COL4A2: variants seen among roughly 807,000 people sequenced by gnomAD.
The protein encoded by COL4A2 is collagen type IV alpha 2 chain.
COL4A2 carries 99 observed loss-of-function variants against 200.2 expected under a neutral mutation model. The observed-to-expected ratio is 0.49, with a 90% CI of 0.42 to 0.58. COL4A2 has a LOEUF of 0.58. Ranked by LOEUF, COL4A2 falls within the 20% of genes least tolerant of loss-of-function variation. The pLI is 0.00. For synonymous variants in COL4A2, 897 were observed against 900.6 expected, an observed-to-expected ratio of 1.00 and a Z score of 0.07; for missense variants, 1,950 against 2,314.1, an observed-to-expected ratio of 0.84 and a Z score of 3.23.
intron 21 of COL4A2, chr13:110,457,659 C>G (rs1401902718): frequency 4.5e-6 from 3 of 667,432 alleles, no homozygotes; most frequent in Non-Finnish European, 8.5e-6. Context: ...TCCCTGCTCT[C>G]CATCTGCCAT....
chr13:110,402,887 C>T (rs1219581265), intron 4 of COL4A2, among the ~76,000 whole-genome samples: 1 of 152,228 alleles, frequency 6.6e-6, no homozygotes, highest in Non-Finnish European at 1.5e-5. Flanking sequence ...AGAGTTGGCA[C>T]CACGTGGAGG....
At chr13:110,360,800 C>G (rs751878999) in intron 4 of COL4A2, among the ~76,000 whole-genome samples, 20 of 146,934 alleles carry the variant, frequency 1.4e-4, no homozygotes, top group Admixed American at 4.1e-4. Flanking sequence ...CCCCCCACCC[C>G]GGGGCCTGGA....
intron 4 of COL4A2, among the ~76,000 whole-genome samples, chr13:110,358,239 A>G (rs968346436): frequency 2.6e-5 from 4 of 152,168 alleles, no homozygotes; most frequent in African/African-American, 9.7e-5. Context: ...TGTTAAAAAC[A>G]AAGAAACAAA....
chr13:110,356,924 C>T (rs946790930), intron 3 of COL4A2, among the ~76,000 whole-genome samples: 14 of 152,128 alleles, frequency 9.2e-5, no homozygotes, highest in Admixed American at 4.6e-4. Context: ...TGCCACCACG[C>T]CTGGCTAATT....
chr13:110,385,805 C>T (rs1390053629), intron 4 of COL4A2, among the ~76,000 whole-genome samples: 3 of 86,646 alleles, frequency 3.5e-5, no homozygotes, highest in Non-Finnish European at 4.9e-5. Flanking sequence ...GTGGATAGGC[C>T]GTGGTTACAG....
intron 3 of COL4A2, among the ~76,000 whole-genome samples, chr13:110,355,742 T>G (rs1188609861): frequency 4.0e-4 from 3 of 7,530 alleles, no homozygotes; most frequent in Non-Finnish European, 5.9e-4. Context: ...CACCTGTGTG[T>G]GTGGGGGAGG....
chr13:110,483,656 T>A (rs1883012128), intron 32 of COL4A2, among the ~76,000 whole-genome samples: 1 of 147,978 alleles, frequency 6.8e-6, no homozygotes, highest in Non-Finnish European at 1.5e-5. Flanking sequence ...ATGTCCCCAG[T>A]AAGCAAGTTT....
At chr13:110,386,107 GTGGAT>G (rs1456485774) in intron 4 of COL4A2, among the ~76,000 whole-genome samples, 1 of 152,194 alleles carries the variant, frequency 6.6e-6, no homozygotes, top group Non-Finnish European at 1.5e-5. Context: ...GTTACAGCAT[GTGGAT>G]AGGCCATGGC....
chr13:110,323,326 G>A (rs143560764), intron 3 of COL4A2, among the ~76,000 whole-genome samples: 61 of 152,322 alleles, frequency 4.0e-4, no homozygotes, highest in African/African-American at 1.3e-3. Context: ...GTGATGCCCC[G>A]ATGCCTGGGA....
intron 4 of COL4A2, among the ~76,000 whole-genome samples, chr13:110,407,713 A>C (rs1566516308): frequency 6.6e-6 from 1 of 152,154 alleles, no homozygotes; most frequent in Non-Finnish European, 1.5e-5. Flanking sequence ...GGTGCTGGGA[A>C]TGCAGAGGAA....
chr13:110,438,702 T>G (rs1296902232), intron 15 of COL4A2, 34 bp downstream of exon 15: 12 of 1,613,678 alleles, frequency 7.4e-6, no homozygotes, highest in Non-Finnish European at 1.0e-5. Context: ...CAGTTGTCGG[T>G]TTGGTTTGGT....
At chr13:110,467,177 C>T in intron 27 of COL4A2, 81 bp downstream of exon 27, 3 of 1,571,578 alleles carry the variant, frequency 1.9e-6, no homozygotes, top group Admixed American at 1.7e-5. Flanking sequence ...GCCCATCTTT[C>T]CTCTGGTCCT....
In COL4A2 at chr13:110,449,698, A is replaced by G. The variant is rs1881460719; in HGVS notation, c.1098A>G (p.Gly366=). ...SLAKGARGDP[G]FPGAQGEPGS... ...TTCCAGGTGCCAGAGGTGACCCGGG[A>G]TTCCCAGGGGCCCAAGGGGAGCCAG... is the stretch of plus-strand genomic sequence containing the variant. Residue 366 remains glycine (G), a synonymous_variant, in exon 19 of 48, where the codon GGA becomes GGG. Coordinates refer to ENST00000360467, the MANE Select transcript of COL4A2 (RefSeq NM_001846.4). 1.9e-6 allele frequency: 3 copies of G among 1,548,880 alleles called. No individual in the cohort carries two copies. In the East Asian group the frequency reaches 7.3e-5, roughly 38 times the overall value.
Position 110,472,961 on chromosome 13 carries a change from G to A in COL4A2, c.2236G>A (p.Val746Met). 2 of 1,557,028 alleles carry A rather than the reference G, an allele frequency of 1.3e-6. No individual in the cohort carries two copies. The highest frequency in any genetic ancestry group is 1.7e-6 in the Non-Finnish European group (2 of 1,150,436). The change falls in exon 29 of 48, where the codon GTG becomes ATG. Residue 746 changes from valine to methionine, a missense_variant. Around this residue, in one of 2 missense-constraint regions of COL4A2, gnomAD observed 1,385 missense variants for 1,720.5 expected, o/e 0.80. Transcript: ENST00000360467. ...FIGPRGSKGA[V>M]GLPGPDGSPG... The stretch of plus-strand genomic sequence containing the variant: ...AGGACCCCGAGGATCCAAAGGTGCA[G>A]TGGGCCTCCCTGGCCCAGATGGATC...
intron 4 of COL4A2, 146 bp downstream of exon 4, chr13:110,357,698 G>T (rs1877340982): frequency 8.1e-7 from 1 of 1,240,626 alleles, no homozygotes; most frequent in South Asian, 1.5e-5. Context: ...AAACCTAGAT[G>T]GCCGGGCCTA....
chr13:110,440,463 G>A (rs1381758388), intron 16 of COL4A2, among the ~76,000 whole-genome samples: 1 of 152,080 alleles, frequency 6.6e-6, no homozygotes, highest in Non-Finnish European at 1.5e-5. Flanking sequence ...CAGGCATGGT[G>A]TGGGTACCTG....
Position 110,449,751 on chromosome 13 carries a change from G to A in COL4A2, c.1151G>A (p.Gly384Asp). 1.9e-6 allele frequency: 3 copies of A among 1,549,046 alleles called. No individual in the cohort carries two copies. The highest frequency in any genetic ancestry group is 2.6e-6 in the Non-Finnish European group (3 of 1,146,612). ...AGCCAGGGTGAGCCAGGAGACCCGG[G>A]CCTCCCAGGTCCCCCTGGCCTCTCC... The part of the protein sequence containing the change: ...PGSQGEPGDP[G>D]LPGPPGLSIG... Residue 384 changes from glycine (G) to aspartate (D), a missense_variant, in exon 19 of 48, where the codon GGC becomes GAC. This residue lies in a region of COL4A2 where 565 missense variants were observed against 593.5 expected (regional missense o/e 0.95). Transcript: ENST00000360467.
At chr13:110,317,233 A>C (rs1885159317) in intron 3 of COL4A2, among the ~76,000 whole-genome samples, 1 of 151,816 alleles carries the variant, frequency 6.6e-6, no homozygotes, top group Non-Finnish European at 1.5e-5. Context: ...ACAGACACAC[A>C]CATGTACATA....
At chr13:110,424,707 G>T in intron 4 of COL4A2, 27 bp from the exon 5 acceptor site, 1 of 1,526,522 alleles carries the variant, frequency 6.6e-7, no homozygotes, top group Non-Finnish European at 8.9e-7. Context: ...ATTAATCGTG[G>T]AAATTGAACC....
Sources: allele counts gnomAD v4.1 joint callset (sites outside exome capture counted in the v4.1 genomes callset), GRCh38; gene constraint gnomAD v4.1.1; regional missense constraint gnomAD v4.1.1; transcripts MANE v1.5; gene names NCBI Gene and HGNC (gene_info 2026-07-23, HGNC 2026-07-21).